PRKN: variants seen among roughly 807,000 people sequenced by gnomAD.
PRKN encodes parkin RBR E3 ubiquitin protein ligase, also known as E3 ubiquitin-protein ligase parkin.
PRKN carries 56 observed loss-of-function variants against 59.5 expected under a neutral mutation model. The observed-to-expected ratio is 0.94, with a 90% confidence interval of 0.76 to 1.18. The LOEUF is 1.18. PRKN is among the 50% of genes most tolerant of loss of function. The pLI is 0.00. For missense variants in PRKN, 657 were observed against 596.4 expected, an observed-to-expected ratio of 1.10 and a Z score of -1.06; for synonymous variants, 250 against 222.1, an observed-to-expected ratio of 1.13 and a Z score of -1.12.
intron 3 of PRKN, among the ~76,000 whole-genome samples, chr6:162,241,583 A>G (rs1778992241): frequency 6.6e-6 from 1 of 152,090 alleles, no homozygotes; most frequent in African/African-American, 2.4e-5. Context: ...TGGTGGGAAA[A>G]AAAGAAACAT....
intron 4 of PRKN, among the ~76,000 whole-genome samples, chr6:162,183,936 C>T (rs59087542): frequency 0.01 from 1,568 of 152,262 alleles, 30 homozygotes; most frequent in African/African-American, 0.035. Flanking sequence ...TGAACTAGTG[C>T]TATCTAAGAG....
At chr6:161,713,754 C>T (rs185575676) in intron 7 of PRKN, among the ~76,000 whole-genome samples, 1 of 152,256 alleles carries the variant, frequency 6.6e-6, no homozygotes, top group Admixed American at 6.5e-5. Flanking sequence ...TATGGTTTGA[C>T]TCTGTCCCCA....
At chr6:161,657,926 G>C (rs1784408110) in intron 7 of PRKN, among the ~76,000 whole-genome samples, 1 of 147,098 alleles carries the variant, frequency 6.8e-6, no homozygotes, top group African/African-American at 2.5e-5. Flanking sequence ...TGAGGCAGGA[G>C]AATCGCTGGA....
At chr6:161,992,137 G>A (rs1399838264) in intron 5 of PRKN, among the ~76,000 whole-genome samples, 1 of 152,060 alleles carries the variant, frequency 6.6e-6, no homozygotes, top group Admixed American at 6.6e-5. Context: ...TCAAGAGTTC[G>A]AGACCAACCT....
chr6:161,830,353 G>A (rs911610764), intron 6 of PRKN, among the ~76,000 whole-genome samples: 14 of 151,730 alleles, frequency 9.2e-5, no homozygotes, highest in African/African-American at 2.9e-4. Flanking sequence ...CTGGGTTCAC[G>A]CCATTCTCCT....
chr6:161,460,271 C>T lies in PRKN; in HGVS notation c.1084-73394G>A, dbSNP rs909860906. Among the ~76,000 whole-genome samples, 19 of 152,054 alleles carry T rather than the reference C, an allele frequency of 1.2e-4. No homozygotes were observed. Among genetic ancestry groups the T allele is most frequent in the East Asian group, 1.9e-4 (1 of 5,200 alleles). On this transcript the variant is annotated intron_variant, in intron 9 of 11. Coordinates refer to ENST00000366898, the MANE Select transcript of PRKN (RefSeq NM_004562.3). This position sits in a 1 kb window ranked among gnomAD's most constrained non-coding sequence, Gnocchi z 5.0. ...TTATTTAATTCTTGTTGATGGGCAC[C>T]GTGTGTTTACAGAGGAGAGTGCCTT...
intron 2 of PRKN, among the ~76,000 whole-genome samples, chr6:162,432,445 G>C (rs1789583586): frequency 1.3e-5 from 2 of 152,086 alleles, no homozygotes; most frequent in African/African-American, 4.8e-5. Context: ...AGAATCGCTT[G>C]AATCCAAGAG....
chr6:161,415,959 A>C (rs1265667508), intron 9 of PRKN, among the ~76,000 whole-genome samples: 1 of 152,010 alleles, frequency 6.6e-6, no homozygotes, highest in African/African-American at 2.4e-5. Context: ...GTGCCCACCC[A>C]GCTGGCTCCC....
chr6:162,195,947 T>C (rs990550324), intron 4 of PRKN, among the ~76,000 whole-genome samples: 12 of 152,208 alleles, frequency 7.9e-5, no homozygotes, highest in Admixed American at 4.6e-4. Context: ...GTCAATTCTA[T>C]CTTCTAATTA....
At chr6:161,993,691 A>G (rs755335881) in intron 5 of PRKN, among the ~76,000 whole-genome samples, 19 of 152,190 alleles carry the variant, frequency 1.2e-4, no homozygotes, top group Middle Eastern at 3.2e-3. Context: ...TTGTCTTGCT[A>G]TATTGGAACA....
At chr6:162,241,804 C>T (rs1184634548) in intron 3 of PRKN, among the ~76,000 whole-genome samples, 1 of 151,982 alleles carries the variant, frequency 6.6e-6, no homozygotes, top group Non-Finnish European at 1.5e-5. Context: ...AGTGTTTTCT[C>T]AATTATATCA....
intron 4 of PRKN, among the ~76,000 whole-genome samples, chr6:162,168,220 G>C (rs1783077517): frequency 6.6e-6 from 1 of 152,042 alleles, no homozygotes; most frequent in African/African-American, 2.4e-5. Flanking sequence ...TCTCTGAGTA[G>C]CTGCATAAAC....
At chr6:161,676,136 T>C (rs6455756) in intron 7 of PRKN, among the ~76,000 whole-genome samples, 18,996 of 152,240 alleles carry the variant, frequency 0.12, 1,970 homozygotes, top group African/African-American at 0.29. Context: ...AGCCCCTGGC[T>C]GCACTCTGGT....
intron 1 of PRKN, among the ~76,000 whole-genome samples, chr6:162,579,167 C>G (rs1780680011): frequency 6.6e-6 from 1 of 152,178 alleles, no homozygotes; most frequent in African/African-American, 2.4e-5. Flanking sequence ...CCCCTCTCCT[C>G]CAATCCTGCG....
intron 1 of PRKN, among the ~76,000 whole-genome samples, chr6:162,580,360 C>T (rs1461276069): frequency 6.6e-6 from 1 of 151,532 alleles, no homozygotes; most frequent in Non-Finnish European, 1.5e-5. Context: ...ATCACATGAG[C>T]CCAGGAAGGT....
intron 9 of PRKN, among the ~76,000 whole-genome samples, chr6:161,508,392 C>A (rs1778251978): frequency 6.6e-6 from 1 of 152,184 alleles, no homozygotes; most frequent in African/African-American, 2.4e-5. Context: ...GACTGTCTAT[C>A]CTTTAAAAAC....
chr6:162,493,998 A>G (rs1174855174), intron 1 of PRKN, among the ~76,000 whole-genome samples: 1 of 152,140 alleles, frequency 6.6e-6, no homozygotes, highest in Non-Finnish European at 1.5e-5. Flanking sequence ...GGATGATTAC[A>G]TGGCCTTTAC....
intron 7 of PRKN, among the ~76,000 whole-genome samples, chr6:161,740,696 T>G (rs1489246372): frequency 6.6e-6 from 1 of 152,230 alleles, no homozygotes; most frequent in Non-Finnish European, 1.5e-5. Context: ...TAGACAGGTG[T>G]GGAACAGGCA....
chr6:162,621,124 C>T (rs966411336), intron 1 of PRKN, among the ~76,000 whole-genome samples: 1 of 152,170 alleles, frequency 6.6e-6, no homozygotes, highest in Non-Finnish European at 1.5e-5. Context: ...ATCCAGCCCG[C>T]TTGCCAGACT....
Sources: allele counts gnomAD v4.1 joint callset (sites outside exome capture counted in the v4.1 genomes callset), GRCh38; gene constraint gnomAD v4.1.1; non-coding constraint Gnocchi (gnomAD v3.1); transcripts MANE v1.5; gene names NCBI Gene and HGNC (gene_info 2026-07-23, HGNC 2026-07-21).